The following ACACA variants were observed in gnomAD, a reference collection of about 807,000 sequenced individuals.
The protein encoded by ACACA is acetyl-CoA carboxylase 1.
A neutral mutation model predicts 296.1 loss-of-function variants in ACACA; 103 were observed. The ratio of observed to expected loss-of-function variants is 0.35; its 90% CI spans 0.30 to 0.41. ACACA has a LOEUF of 0.41. Ranked by LOEUF, ACACA falls within the 10% of genes least tolerant of loss-of-function variation. The pLI is 1.00. For missense variants in ACACA, 1,554 were observed against 2,989.7 expected (o/e 0.52, Z 11.20); for synonymous variants, 953 against 1,038.6 (o/e 0.92, Z 1.58).
chr17:37,243,346 A>T (rs1274136517), intron 22 of ACACA, 25 bp downstream of exon 22: 2 of 1,609,620 alleles, frequency 1.2e-6, no homozygotes, highest in East Asian at 4.5e-5. Context: ...AGCCAGAAAA[A>T]AATATAGTGT....
At chr17:37,326,742 T>C (rs1013359300) in intron 3 of ACACA, among the ~76,000 whole-genome samples, 2 of 151,590 alleles carry the variant, frequency 1.3e-5, no homozygotes, top group Admixed American at 6.6e-5. Context: ...GGCAGGAGAA[T>C]TGCTTGAACC....
chr17:37,398,040 C>T (rs1568105714), intron 1 of ACACA, among the ~76,000 whole-genome samples: 1 of 151,950 alleles, frequency 6.6e-6, no homozygotes, highest in Non-Finnish European at 1.5e-5. Context: ...ACCATCCTGG[C>T]TAACACTGTG....
rs1263331366 is a variant in ACACA, at chr17:37,381,768, C to T, written c.38+24494G>A. On this transcript the variant is annotated intron_variant, in intron 1 of 55. Coordinates refer to ENST00000616317, the MANE Select transcript of ACACA (RefSeq NM_198834.3). Reference sequence around the variant, plus strand: ...TCAGCCTCCCGAGTAGCTGGGACTACAGGCACTCGCCACCACACCCAGTTA... The same window carrying T: ...TCAGCCTCCCGAGTAGCTGGGACTATAGGCACTCGCCACCACACCCAGTTA... Among the ~76,000 whole-genome samples, 11 of 151,736 alleles carry T rather than the reference C, an allele frequency of 7.2e-5. No individual in the cohort carries two copies. The South Asian group carries it at 1.5e-3, about 20-fold the overall frequency.
At chr17:37,210,295 G>C (rs911872844) in intron 30 of ACACA, among the ~76,000 whole-genome samples, 172 bp downstream of exon 30, 1 of 152,128 alleles carries the variant, frequency 6.6e-6, no homozygotes, top group African/African-American at 2.4e-5. Context: ...AAAAGCTGAA[G>C]CCATGTTTTC....
At chr17:37,303,847 G>T (rs1214654116) in intron 3 of ACACA, among the ~76,000 whole-genome samples, 1 of 152,146 alleles carries the variant, frequency 6.6e-6, no homozygotes, top group Non-Finnish European at 1.5e-5. Context: ...AACAGAGCGA[G>T]ACTCCGTCTC....
At chr17:37,218,248 T>C (rs1319986989) in intron 29 of ACACA, among the ~76,000 whole-genome samples, 1 of 151,760 alleles carries the variant, frequency 6.6e-6, no homozygotes, top group Admixed American at 6.6e-5. Flanking sequence ...CACATGCAGC[T>C]AGGGTAGTAC....
chr17:37,253,665 TTTAC>T (rs1309579154), intron 14 of ACACA, among the ~76,000 whole-genome samples: 1 of 152,170 alleles, frequency 6.6e-6, no homozygotes, highest in Non-Finnish European at 1.5e-5. Context: ...ACCCTCAGCT[TTTAC>T]TTACTAAGTT....
At chr17:37,106,641 G>A (rs1242469743) in intron 52 of ACACA, among the ~76,000 whole-genome samples, 1 of 152,198 alleles carries the variant, frequency 6.6e-6, no homozygotes, top group East Asian at 1.9e-4. Flanking sequence ...AAAAAGGTCA[G>A]GGAACAGCAC....
chr17:37,292,091 G>A (rs966144862), intron 3 of ACACA, among the ~76,000 whole-genome samples: 1 of 152,022 alleles, frequency 6.6e-6, no homozygotes, highest in Non-Finnish European at 1.5e-5. Context: ...GCGGAAATGT[G>A]TTACCTGTTC....
chr17:37,150,087 T>C, intron 44 of ACACA, 113 bp from the exon 45 acceptor site: 1 of 920,300 alleles, frequency 1.1e-6, no homozygotes, highest in Non-Finnish European at 1.7e-6. Flanking sequence ...TTGCTTTTTA[T>C]GAAGTCTATT....
At chr17:37,162,085 T>G in intron 41 of ACACA, 35 bp from the exon 42 acceptor site, 1 of 1,613,448 alleles carries the variant, frequency 6.2e-7, no homozygotes, top group Non-Finnish European at 8.5e-7. Flanking sequence ...GAACAGAAGT[T>G]TCTTACAGGC....
chr17:37,104,203 G>A (rs1025333063), intron 52 of ACACA, among the ~76,000 whole-genome samples: 7 of 152,302 alleles, frequency 4.6e-5, no homozygotes, highest in Middle Eastern at 3.4e-3. Context: ...TGCAGGCCAC[G>A]GTTGGACAAG....
intron 23 of ACACA, among the ~76,000 whole-genome samples, chr17:37,241,034 A>C (rs948773510): frequency 2.0e-5 from 3 of 152,064 alleles, no homozygotes; most frequent in Non-Finnish European, 2.9e-5. Context: ...ATCTACAAAA[A>C]ATACAAAAAA....
intron 1 of ACACA, among the ~76,000 whole-genome samples, chr17:37,351,551 C>G (rs983270645): frequency 6.6e-6 from 1 of 152,184 alleles, no homozygotes; most frequent in African/African-American, 2.4e-5. Flanking sequence ...TAATAAAAAG[C>G]TTTCCTCAAT....
chr17:37,367,155 A>C (rs1267226746), intron 1 of ACACA: 1 of 150,726 alleles, frequency 6.6e-6, no homozygotes, highest in Admixed American at 6.7e-5. Context: ...GTAGAAAGTT[A>C]TTTTCCAACA....
Position 37,174,144 on chromosome 17 carries a change from C to T in ACACA, c.5079+5116G>A, listed in dbSNP as rs185520699. ...CCAAAGTGTTGGGATTACAGGCATG[C>T]GCCACCGCGCCTGGCTGTCAGCTAG... On this transcript the variant is annotated intron_variant, in intron 41 of 55. Coordinates refer to ENST00000616317, the MANE Select transcript of ACACA (RefSeq NM_198834.3). 3.0e-3 allele frequency among the ~76,000 whole-genome samples: 440 copies of T among 145,972 alleles called. 1 individual carries two copies. Among genetic ancestry groups the T allele is most frequent in the Non-Finnish European group, 4.7e-3 (313 of 66,294 alleles).
intron 3 of ACACA, 151 bp downstream of exon 3, chr17:37,330,022 T>C (rs570770333): frequency 1.0e-6 from 1 of 971,222 alleles, no homozygotes; most frequent in East Asian, 2.6e-5. Context: ...GAAAAATACA[T>C]CATTTCTGAC....
rs374756089 is a variant in ACACA at position 37,179,211 on chromosome 17, A to G, written c.5079+49T>C. 6.4e-5 allele frequency: 103 copies of G among 1,612,204 alleles called. No individual in the cohort carries two copies. In the African/African-American group the frequency reaches 1.1e-3, roughly 18 times the overall value. On this transcript the variant is annotated intron_variant, in intron 41 of 55. Coordinates refer to ENST00000616317, the MANE Select transcript of ACACA (RefSeq NM_198834.3). ...AATGACCACCTCACAGAAAGCTGGT[A>G]CTAGTGGGCACAGAGATAAGAAAGG...
intron 3 of ACACA, among the ~76,000 whole-genome samples, chr17:37,305,032 C>A (rs939742347): frequency 1.3e-5 from 2 of 152,140 alleles, no homozygotes; most frequent in Non-Finnish European, 2.9e-5. Flanking sequence ...ACTTTGAAAT[C>A]TTTGTTAAAT....
Sources: gnomAD v4.1 joint callset for allele counts (sites outside exome capture counted in the v4.1 genomes callset) on GRCh38, gnomAD v4.1.1 for gene constraint, MANE v1.5 for transcripts, NCBI Gene and HGNC (gene_info 2026-07-23, HGNC 2026-07-21) for gene names.